NELL1: variants seen among roughly 807,000 people sequenced by gnomAD.
NELL1 encodes the protein protein kinase C-binding protein NELL1.
NELL1 carries 76 observed loss-of-function variants against 107.4 expected under a neutral mutation model. The ratio of observed to expected loss-of-function variants is 0.71; its 90% confidence interval spans 0.59 to 0.86. The LOEUF is 0.86. NELL1 is among the 40% of genes least tolerant of loss of function. The pLI is 0.00. For synonymous variants in NELL1, 353 were observed against 341.2 expected (o/e 1.03, Z -0.38); for missense variants, 1,024 against 1,005.5 (o/e 1.02, Z -0.25).
chr11:20,925,018 TATTATA>T (rs1249075907), intron 7 of NELL1, among the ~76,000 whole-genome samples: 2 of 152,202 alleles, frequency 1.3e-5, no homozygotes, highest in African/African-American at 4.8e-5. Context: ...TTGTATTACT[TATTATA>T]AGTTATCTAG....
intron 5 of NELL1, among the ~76,000 whole-genome samples, chr11:20,894,300 AC>A (rs201350058): frequency 0.013 from 1,957 of 152,352 alleles, 20 homozygotes; most frequent in Non-Finnish European, 0.018. Flanking sequence ...AAAATTTGGA[AC>A]TTTTCTCATC....
intron 17 of NELL1, 104 bp downstream of exon 17, chr11:21,560,486 T>C: frequency 2.0e-6 from 2 of 1,021,004 alleles, no homozygotes; most frequent in Non-Finnish European, 2.8e-6. Context: ...CTGTAGTTCC[T>C]GAACAGGCTT....
At chr11:21,217,807 A>T (rs544150037) in intron 13 of NELL1, among the ~76,000 whole-genome samples, 1 of 152,304 alleles carries the variant, frequency 6.6e-6, no homozygotes. Flanking sequence ...ATTTGTAGCC[A>T]CAGTAGAAAT....
intron 14 of NELL1, among the ~76,000 whole-genome samples, chr11:21,233,064 A>G (rs970674760): frequency 6.6e-6 from 1 of 152,232 alleles, no homozygotes; most frequent in Admixed American, 6.5e-5. Context: ...ATGCCTTTTT[A>G]TAAGCATTAC....
At chr11:21,245,114 C>T (rs1004115949) in intron 14 of NELL1, among the ~76,000 whole-genome samples, 1 of 152,240 alleles carries the variant, frequency 6.6e-6, no homozygotes, top group African/African-American at 2.4e-5. Flanking sequence ...GATACACAGG[C>T]CATTCCTAAT....
Position 21,497,144 on chromosome 11 carries a change from G to C in NELL1, c.1646-37230G>C, listed in dbSNP as rs376499365. On this transcript the variant is annotated intron_variant, in intron 15 of 19. Transcript: ENST00000357134. The stretch of plus-strand genomic sequence containing the variant: ...TTATAATCCTTTGGGTATATACCCA[G>C]TAATGGGATGGCTGGGGTGGGGGGA... Among the ~76,000 whole-genome samples the C allele has an allele frequency of 7.9e-5, 10 of 126,190 alleles. No homozygotes were observed. The East Asian group carries it at 9.5e-4, about 12-fold the overall frequency. 82.8% of individuals were successfully genotyped at this position (126,190 alleles called of 152,430 possible). A position where few individuals can be genotyped will look rare whatever the true frequency, so the allele number is the denominator to read the frequency against.
At chr11:21,404,140 T>C (rs1286869709) in intron 15 of NELL1, among the ~76,000 whole-genome samples, 3 of 151,490 alleles carry the variant, frequency 2.0e-5, no homozygotes, top group African/African-American at 7.3e-5. Context: ...GTCTCAGGCC[T>C]GCACTTTAGA....
intron 15 of NELL1, among the ~76,000 whole-genome samples, chr11:21,407,694 C>T (rs994744652): frequency 3.6e-5 from 5 of 137,280 alleles, no homozygotes; most frequent in Non-Finnish European, 6.3e-5. Flanking sequence ...TCCAAATTAC[C>T]TTTTTTTTTT....
intron 13 of NELL1, among the ~76,000 whole-genome samples, chr11:21,134,063 A>G (rs910891758): frequency 6.6e-6 from 1 of 152,186 alleles, no homozygotes; most frequent in South Asian, 2.1e-4. Flanking sequence ...ATGCCAGAAG[A>G]CCTGCATTCA....
chr11:20,767,594 C>T (rs780643686), intron 2 of NELL1, among the ~76,000 whole-genome samples: 4 of 152,214 alleles, frequency 2.6e-5, no homozygotes, highest in Non-Finnish European at 4.4e-5. Context: ...AGTCCCCACT[C>T]GACCCAGGAA....
intron 14 of NELL1, among the ~76,000 whole-genome samples, chr11:21,286,523 A>G (rs1000878433): frequency 6.6e-6 from 1 of 152,100 alleles, no homozygotes; most frequent in African/African-American, 2.4e-5. Context: ...AACCCATACT[A>G]TCCACTCGTA....
At chr11:21,205,712 A>T (rs1857375770) in intron 13 of NELL1, among the ~76,000 whole-genome samples, 1 of 152,164 alleles carries the variant, frequency 6.6e-6, no homozygotes, top group South Asian at 2.1e-4. Context: ...ATAGCCGTCC[A>T]GTTTATATTT....
Position 20,684,919 on chromosome 11 carries a change from T to G in NELL1, c.184+6859T>G, listed in dbSNP as rs1374103546. Among the ~76,000 whole-genome samples the G allele has an allele frequency of 2.0e-5, 3 of 152,078 alleles. No homozygotes were observed. In the East Asian group the frequency reaches 5.8e-4, roughly 29 times the overall value. On this transcript the variant is annotated intron_variant, in intron 2 of 19. Coordinates refer to ENST00000357134, the MANE Select transcript of NELL1 (RefSeq NM_006157.5). The stretch of plus-strand genomic sequence containing the variant: ...TGGAAATAGGTACTATTTCTGGCCC[T>G]CGTGTATGCTGGATACTGTTGCCTT...
intron 14 of NELL1, among the ~76,000 whole-genome samples, chr11:21,256,390 TG>T (rs1245076337): frequency 2.0e-5 from 3 of 152,052 alleles, no homozygotes; most frequent in Non-Finnish European, 4.4e-5. Context: ...GATCTGAGTC[TG>T]AAGCCAGGTA....
At chr11:21,554,651 T>G (rs1174491137) in intron 16 of NELL1, among the ~76,000 whole-genome samples, 2 of 151,820 alleles carry the variant, frequency 1.3e-5, no homozygotes, top group African/African-American at 2.4e-5. Flanking sequence ...GACTAATCAT[T>G]TTTGAGCAAT....
intron 14 of NELL1, among the ~76,000 whole-genome samples, chr11:21,244,494 G>C (rs150307077): frequency 3.1e-4 from 47 of 152,236 alleles, no homozygotes; most frequent in Non-Finnish European, 6.0e-4. Context: ...TCTCAATGTA[G>C]ACCAAGATAA....
chr11:20,869,197 G>A (rs1403623828), intron 4 of NELL1, among the ~76,000 whole-genome samples: 1 of 152,126 alleles, frequency 6.6e-6, no homozygotes, highest in Non-Finnish European at 1.5e-5. Flanking sequence ...GAGTGTGTTA[G>A]TATTAAGTGC....
chr11:21,052,731 C>T (rs750570847), intron 12 of NELL1, among the ~76,000 whole-genome samples: 2 of 152,062 alleles, frequency 1.3e-5, no homozygotes. Context: ...GAGAAGCCCC[C>T]ACATCAAACC....
At chr11:20,724,663 G>A (rs896893967) in intron 2 of NELL1, among the ~76,000 whole-genome samples, 3 of 152,008 alleles carry the variant, frequency 2.0e-5, no homozygotes, top group Admixed American at 6.6e-5. Context: ...ACCATTCAAC[G>A]AGTCTCTAGG....
Sources: gnomAD v4.1 joint callset for allele counts (sites outside exome capture counted in the v4.1 genomes callset) on GRCh38, gnomAD v4.1.1 for gene constraint, MANE v1.5 for transcripts, NCBI Gene and HGNC (gene_info 2026-07-23, HGNC 2026-07-21) for gene names.